Variants in RETREG1 observed in about 807,000 individuals in gnomAD.
The protein encoded by RETREG1 is reticulophagy regulator 1.
A neutral mutation model predicts 54.8 loss-of-function variants in RETREG1; 44 were observed. The observed-to-expected ratio is 0.80, with a 90% CI of 0.63 to 1.03. RETREG1 has a LOEUF of 1.03. Among genes scored for constraint, RETREG1 ranks in the 50% least tolerant of loss-of-function variants. The pLI is 0.00. For synonymous variants in RETREG1, 217 were observed against 238.5 expected (o/e 0.91, Z 0.83); for missense variants, 554 against 605.1 (o/e 0.92, Z 0.89).
At chr5:16,511,579 G>A (rs923462014) in intron 3 of RETREG1, among the ~76,000 whole-genome samples, 21 of 152,334 alleles carry the variant, frequency 1.4e-4, no homozygotes, top group African/African-American at 5.1e-4. Flanking sequence ...CAACCATGGA[G>A]TCCCCTTTAG....
At chr5:16,540,530 C>T (rs1037705427) in intron 3 of RETREG1, among the ~76,000 whole-genome samples, 4 of 152,186 alleles carry the variant, frequency 2.6e-5, no homozygotes, top group African/African-American at 9.7e-5. Flanking sequence ...GTGAATGATT[C>T]ACTTCACCAC....
chr5:16,503,165 A>G (rs1739785925), intron 3 of RETREG1, among the ~76,000 whole-genome samples: 2 of 152,244 alleles, frequency 1.3e-5, no homozygotes, highest in South Asian at 4.1e-4. Context: ...TTTAGGAAGC[A>G]TACCACTTAT....
chr5:16,540,567 T>C (rs1379222013), intron 3 of RETREG1, among the ~76,000 whole-genome samples: 1 of 152,222 alleles, frequency 6.6e-6, no homozygotes, highest in Non-Finnish European at 1.5e-5. Context: ...CTGGGAAAGA[T>C]GCAGACTTGG....
intron 3 of RETREG1, among the ~76,000 whole-genome samples, chr5:16,528,452 G>C (rs530905820): frequency 6.6e-6 from 1 of 152,124 alleles, no homozygotes; most frequent in African/African-American, 2.4e-5. Context: ...AGGTCACCTT[G>C]TGATGGATAT....
intron 3 of RETREG1, among the ~76,000 whole-genome samples, chr5:16,551,730 A>G (rs532852916): frequency 6.6e-6 from 1 of 152,318 alleles, no homozygotes; most frequent in African/African-American, 2.4e-5. Flanking sequence ...TTAGTTTCCT[A>G]TTCCTGCTGT....
chr5:16,584,324 C>T (rs1742570787), intron 1 of RETREG1, among the ~76,000 whole-genome samples: 1 of 152,168 alleles, frequency 6.6e-6, no homozygotes, highest in African/African-American at 2.4e-5. Context: ...AAATCAGAAT[C>T]ACTGAATATG....
intron 5 of RETREG1, among the ~76,000 whole-genome samples, chr5:16,480,204 T>C (rs966891497): frequency 6.6e-6 from 1 of 152,024 alleles, no homozygotes; most frequent in Non-Finnish European, 1.5e-5. Context: ...TCACTAAAGA[T>C]TGTTTGAATT....
chr5:16,516,063 CAAAA>C (rs11351805), intron 3 of RETREG1, among the ~76,000 whole-genome samples: 2 of 121,244 alleles, frequency 1.6e-5, no homozygotes. Flanking sequence ...TGAAATAAAG[CAAAA>C]AAAAAAAAAA....
chr5:16,526,449 C>G lies in RETREG1; in HGVS notation c.458+39314G>C, dbSNP rs370720242. 2.0e-4 allele frequency among the ~76,000 whole-genome samples: 31 copies of G among 152,258 alleles called. No individual in the cohort carries two copies. The South Asian group carries it at 2.3e-3, about 11-fold the overall frequency. On this transcript the variant is annotated intron_variant, in intron 3 of 8. Coordinates refer to ENST00000306320, the MANE Select transcript of RETREG1 (RefSeq NM_001034850.3). ...GAGACCCTATTCCCAGAGGCTCCCC[C>G]CAAGCATTACATGGGAAAAGGTGGA...
At chr5:16,610,113 C>T (rs1312822148) in intron 1 of RETREG1, among the ~76,000 whole-genome samples, 1 of 152,138 alleles carries the variant, frequency 6.6e-6, no homozygotes, top group African/African-American at 2.4e-5. Context: ...CAAGCTGGGG[C>T]ACCCCATTCA....
intron 1 of RETREG1, among the ~76,000 whole-genome samples, chr5:16,615,399 CAAAA>C (rs35626131): frequency 2.2e-5 from 2 of 92,812 alleles, no homozygotes; most frequent in Non-Finnish European, 4.4e-5. Context: ...GACTCCATCT[CAAAA>C]AAAAAAAAAA....
At chr5:16,602,401 G>T (rs1290501898) in intron 1 of RETREG1, among the ~76,000 whole-genome samples, 1 of 152,114 alleles carries the variant, frequency 6.6e-6, no homozygotes, top group South Asian at 2.1e-4. Context: ...GAGGAGACCA[G>T]AACAGAAGGA....
intron 3 of RETREG1, among the ~76,000 whole-genome samples, chr5:16,546,608 T>C (rs552943160): frequency 1.3e-5 from 2 of 152,260 alleles, no homozygotes; most frequent in Non-Finnish European, 2.9e-5. Context: ...AGGAATAAAA[T>C]AGGGTGCTGA....
chr5:16,613,577 C>T (rs1743410811), intron 1 of RETREG1, among the ~76,000 whole-genome samples: 1 of 152,200 alleles, frequency 6.6e-6, no homozygotes, highest in Admixed American at 6.5e-5. Context: ...AATGTTGAAG[C>T]TTTTGAGTCA....
At chr5:16,589,698 T>G (rs1474183561) in intron 1 of RETREG1, among the ~76,000 whole-genome samples, 1 of 152,218 alleles carries the variant, frequency 6.6e-6, no homozygotes, top group Non-Finnish European at 1.5e-5. Context: ...CCTGCCAGCA[T>G]GGAAGGGGAG....
intron 3 of RETREG1, among the ~76,000 whole-genome samples, chr5:16,528,672 C>T (rs1225181043): frequency 6.6e-6 from 1 of 152,206 alleles, no homozygotes; most frequent in African/African-American, 2.4e-5. Context: ...TTATATGTAA[C>T]TTTGATCCAC....
intron 3 of RETREG1, among the ~76,000 whole-genome samples, chr5:16,548,620 A>C (rs1741451344): frequency 6.6e-6 from 1 of 152,240 alleles, no homozygotes; most frequent in Non-Finnish European, 1.5e-5. Context: ...AGGGAGTCAT[A>C]ATGTATTCAT....
chr5:16,603,086 C>T (rs1296715424), intron 1 of RETREG1, among the ~76,000 whole-genome samples: 1 of 152,140 alleles, frequency 6.6e-6, no homozygotes, highest in Non-Finnish European at 1.5e-5. Flanking sequence ...TAACAAACAA[C>T]AGTCGCTCCT....
chr5:16,558,460 A>G (rs1741771984), intron 3 of RETREG1, among the ~76,000 whole-genome samples: 1 of 152,232 alleles, frequency 6.6e-6, no homozygotes, highest in African/African-American at 2.4e-5. Context: ...AGTCTCAGAT[A>G]ATCTGTTACA....
Sources: allele counts gnomAD v4.1 joint callset (sites outside exome capture counted in the v4.1 genomes callset), GRCh38; gene constraint gnomAD v4.1.1; transcripts MANE v1.5; gene names NCBI Gene and HGNC (gene_info 2026-07-23, HGNC 2026-07-21).